Variants in CCNG2 observed in about 807,000 individuals in gnomAD.
CCNG2 encodes cyclin-G2.
In CCNG2, 20 loss-of-function variants were observed where a neutral mutation model predicts 36.5. The observed-to-expected ratio is 0.55, with a 90% CI of 0.39 to 0.80. The LOEUF is 0.80. Among genes scored for constraint, CCNG2 ranks in the 30% least tolerant of loss-of-function variants. The pLI is 0.00. For synonymous variants in CCNG2, 155 were observed against 140.1 expected, an observed-to-expected ratio of 1.11 and a Z score of -0.75; for missense variants, 358 against 390.8, an observed-to-expected ratio of 0.92 and a Z score of 0.71.
intron 3 of CCNG2, among the ~76,000 whole-genome samples, 184 bp from the exon 4 acceptor site, chr4:77,160,537 G>GGT (rs1731402789): frequency 6.7e-6 from 1 of 149,510 alleles, no homozygotes; most frequent in Admixed American, 6.6e-5. Flanking sequence ...TTTTTGGGGG[G>GGT]GGGGGGAGGT....
intron 1 of CCNG2, 107 bp downstream of exon 1, chr4:77,157,613 C>T (rs1731297356): frequency 6.5e-6 from 1 of 152,678 alleles, no homozygotes; most frequent in Admixed American, 6.5e-5. Context: ...GCCTGCTCCT[C>T]ATCCGCTGGA....
intron 3 of CCNG2, among the ~76,000 whole-genome samples, chr4:77,160,513 C>G (rs1243249964): frequency 7.0e-6 from 1 of 142,488 alleles, no homozygotes; most frequent in African/African-American, 2.8e-5. Flanking sequence ...AGCCACTGTT[C>G]CCTGCTGCCT....
At chr4:77,161,079 C>T (rs1198568447) in intron 4 of CCNG2, 108 bp downstream of exon 4, 24 of 539,588 alleles carry the variant, frequency 4.4e-5, no homozygotes, top group Non-Finnish European at 5.3e-5. Flanking sequence ...AAACTTTCAA[C>T]TTTGACTTTA....
chr4:77,160,734 A>G lies in CCNG2; in HGVS notation c.290A>G (p.His97Arg), dbSNP rs1328930441. 2 of 1,612,574 alleles carry G rather than the reference A, an allele frequency of 1.2e-6. No homozygotes were observed. The highest frequency in any genetic ancestry group is 8.5e-7 in the Non-Finnish European group (1 of 1,179,614). The change falls in exon 4 of 8, where the codon CAT (histidine) becomes CGT (arginine). Residue 97 changes from histidine to arginine, a missense_variant. Physicochemically the swap from His to Arg is conservative, Grantham distance 29. Coordinates refer to ENST00000316355, the MANE Select transcript of CCNG2 (RefSeq NM_004354.3). ...FLALMKVKPK[H>R]LSCIGVCSFL... Reference sequence around the variant, plus strand: ...TTTTTTTCTCAGGTGAAACCTAAACATTTGTCTTGCATTGGAGTCTGTTCT... The same window carrying G: ...TTTTTTTCTCAGGTGAAACCTAAACGTTTGTCTTGCATTGGAGTCTGTTCT...
In CCNG2 at chr4:77,157,305, A is replaced by C. The variant is rs1342479759; in HGVS notation, c.-202A>C. 1 of 150,872 alleles carries C rather than the reference A, an allele frequency of 6.6e-6. No homozygotes were observed. Among genetic ancestry groups the C allele is most frequent in the Non-Finnish European group, 1.5e-5 (1 of 67,916 alleles). 9.3% of individuals were successfully genotyped at this position (150,872 alleles called of 1,614,324 possible). On this transcript the variant is annotated 5_prime_UTR_variant, in exon 1 of 8. Transcript: ENST00000316355. ...CGCGGCCGGCGTTGCGCCGCGGCGG[A>C]GGGTGGGCGCGCGGGGAGCGGGATG...
At chr4:77,163,333 G>A (rs912124570) in intron 6 of CCNG2, among the ~76,000 whole-genome samples, 1 of 152,056 alleles carries the variant, frequency 6.6e-6, no homozygotes, top group Non-Finnish European at 1.5e-5. Flanking sequence ...CAGGAGTATT[G>A]AATTTTTATA....
chr4:77,158,063 G>T (rs1731316485), intron 1 of CCNG2, among the ~76,000 whole-genome samples: 1 of 152,038 alleles, frequency 6.6e-6, no homozygotes, highest in African/African-American at 2.4e-5. Context: ...CCCCGGGCGG[G>T]CGGGGCTCGG....
In CCNG2 at chr4:77,165,805, G is replaced by A. The variant is rs768652357; in HGVS notation, c.916G>A (p.Asp306Asn). 6.4e-7 allele frequency: 1 copy of A among 1,569,400 alleles called. No homozygotes were observed. The highest frequency in any genetic ancestry group is 8.6e-7 in the Non-Finnish European group (1 of 1,161,596). Residue 306 changes from aspartate to asparagine, a missense_variant, in exon 8 of 8, where the codon GAC becomes AAC. Transcript: ENST00000316355. The stretch of plus-strand genomic sequence containing the variant: ...TTTGTCTCTTTTTCTCTTTAGTGAG[G>A]ACTCTTGTGAAGATATGAGTTGTGG... ...GGCFDESESEDSCEDMSCGEE... is the reference protein window; with the variant it reads ...GGCFDESESENSCEDMSCGEE...
rs968095358 is a variant in CCNG2 at position 77,164,973 on chromosome 4, T to C, written c.911+494T>C. On this transcript the variant is annotated intron_variant, in intron 7 of 7. Coordinates refer to ENST00000316355, the MANE Select transcript of CCNG2 (RefSeq NM_004354.3). The stretch of plus-strand genomic sequence containing the variant: ...GTAATGTTAGTATGAATTCCTAATA[T>C]TGTGCTGTGGTGAAGAGATTGAGGG... 2.6e-5 allele frequency: 4 copies of C among 153,374 alleles called. No homozygotes were observed. The South Asian group carries it at 6.1e-4, about 24-fold the overall frequency. 9.5% of individuals were successfully genotyped at this position (153,374 alleles called of 1,614,324 possible).
intron 6 of CCNG2, among the ~76,000 whole-genome samples, chr4:77,162,235 A>T (rs1161898845): frequency 1.3e-5 from 2 of 152,202 alleles, no homozygotes; most frequent in African/African-American, 4.8e-5. Context: ...TCACAAAGAG[A>T]TATAAAACAA....
chr4:77,159,599 C>A, intron 3 of CCNG2, 95 bp downstream of exon 3: 1 of 1,155,808 alleles, frequency 8.7e-7, no homozygotes, highest in Non-Finnish European at 1.2e-6. Flanking sequence ...GGTATAATAA[C>A]GTCCACTGTA....
At position 77,161,759 on chromosome 4, in the gene CCNG2, CATT is replaced by C. The variant is rs753141854; in HGVS notation, c.705+16_705+18del. On this transcript the variant is annotated intron_variant, in intron 6 of 7. Coordinates refer to ENST00000316355, the MANE Select transcript of CCNG2 (RefSeq NM_004354.3). ...AAAAACATTCCAAGGTAATTACAGTCATTATTCTTTAAGGCAAATTTTTTTCCT... is the reference window on the plus strand; with the variant it reads ...AAAAACATTCCAAGGTAATTACAGTCATTCTTTAAGGCAAATTTTTTTCCT... The C allele has an allele frequency of 5.2e-6, 8 of 1,540,162 alleles. No homozygotes were observed. Among genetic ancestry groups the C allele is most frequent in the Non-Finnish European group, 6.2e-6 (7 of 1,132,444 alleles).
chr4:77,169,038 GA>G lies in CCNG2; in HGVS notation c.*3116del, dbSNP rs1184147806. ...CTCTGCTACTGTTTCCTCCTCCCAG[GA>G]AGTGTGGTTAGACAAATAATGTGTT... On this transcript the variant is annotated 3_prime_UTR_variant, in exon 8 of 8. Coordinates refer to ENST00000316355, the MANE Select transcript of CCNG2 (RefSeq NM_004354.3). 6.6e-6 allele frequency: 1 copy of G among 152,268 alleles called. No homozygotes were observed. The highest frequency in any genetic ancestry group is 6.5e-5 in the Admixed American group (1 of 15,276). The allele number at this position is 152,268 out of a possible 1,614,324, so 9.4% of individuals were successfully genotyped here.
In CCNG2 at chr4:77,166,695, G is replaced by GT. The variant is rs1731641940; in HGVS notation, c.*772dup. 6.6e-6 allele frequency: 1 copy of GT among 152,100 alleles called. No homozygotes were observed. Among genetic ancestry groups the GT allele is most frequent in the African/African-American group, 2.4e-5 (1 of 41,408 alleles). 9.4% of individuals were successfully genotyped at this position (152,100 alleles called of 1,614,324 possible). On this transcript the variant is annotated 3_prime_UTR_variant, in exon 8 of 8. Coordinates refer to ENST00000316355, the MANE Select transcript of CCNG2 (RefSeq NM_004354.3). Reference sequence around the variant, plus strand: ...AACAGTGCAGTAAGTTGAAAACTCAGTATCTATGGAATTGATAAATGTTGA... The same window carrying GT: ...AACAGTGCAGTAAGTTGAAAACTCAGTTATCTATGGAATTGATAAATGTTGA...
chr4:77,160,588 A>C, intron 3 of CCNG2, 133 bp from the exon 4 acceptor site: 2 of 784,956 alleles, frequency 2.5e-6, no homozygotes, highest in South Asian at 3.8e-5. Context: ...AATTGTGGGT[A>C]AAGAGCCAGT....
At chr4:77,160,590 A>G (rs1324404317) in intron 3 of CCNG2, 131 bp from the exon 4 acceptor site, 11 of 813,542 alleles carry the variant, frequency 1.4e-5, no homozygotes, top group Non-Finnish European at 1.9e-5. Context: ...TTGTGGGTAA[A>G]GAGCCAGTAC....
rs1470383346 is a variant in CCNG2, at chr4:77,160,699, A to T, written c.277-22A>T. ...AAGTCAAAGTGACAGTTGTTAAAAG[A>T]AGCCTCTTGTTTTTTTCTCAGGTGA... is the stretch of plus-strand genomic sequence containing the variant. On this transcript the variant is annotated intron_variant, in intron 3 of 7. Transcript: ENST00000316355. The T allele has an allele frequency of 1.9e-6, 3 of 1,603,240 alleles. No individual in the cohort carries two copies. The South Asian group carries it at 3.4e-5, about 18-fold the overall frequency.
chr4:77,164,726 G>A (rs1731583383), intron 7 of CCNG2: 5 of 348,266 alleles, frequency 1.4e-5, no homozygotes, highest in Admixed American at 4.5e-5. Flanking sequence ...GTAGAGATAG[G>A]GTCTCGCGAT....
chr4:77,166,043 C>T lies in CCNG2; in HGVS notation c.*119C>T. 1.1e-6 allele frequency: 1 copy of T among 903,204 alleles called. No homozygotes were observed. The highest frequency in any genetic ancestry group is 1.6e-6 in the Non-Finnish European group (1 of 620,776). 55.9% of individuals were successfully genotyped at this position (903,204 alleles called of 1,614,324 possible). On this transcript the variant is annotated 3_prime_UTR_variant, in exon 8 of 8. Coordinates refer to ENST00000316355, the MANE Select transcript of CCNG2 (RefSeq NM_004354.3). ...GGAATTAATATACTGGAATACCTAC[C>T]TTCTATTTGTTATTCAGATCAGATC...
Sources: allele counts gnomAD v4.1 joint callset (sites outside exome capture counted in the v4.1 genomes callset), GRCh38; gene constraint gnomAD v4.1.1; transcripts MANE v1.5; gene names NCBI Gene and HGNC (gene_info 2026-07-23, HGNC 2026-07-21).